EPHB1: variants seen among roughly 807,000 people sequenced by gnomAD.
EPHB1 encodes the protein EPH receptor B1.
Under a neutral mutation model 94.4 loss-of-function variants are expected in EPHB1, and 30 were observed. The observed-to-expected ratio is 0.32, with a 90% CI of 0.24 to 0.43. EPHB1 has a LOEUF of 0.43. Ranked by LOEUF, EPHB1 falls within the 20% of genes least tolerant of loss-of-function variation. The pLI, the probability that EPHB1 is intolerant of heterozygous loss-of-function variation, is 1.00. For synonymous variants in EPHB1, 522 were observed against 489.1 expected (o/e 1.07, Z -0.89); for missense variants, 1,055 against 1,308.3 (o/e 0.81, Z 2.99).
chr3:135,202,147 G>A (rs191913569), intron 12 of EPHB1, among the ~76,000 whole-genome samples: 13 of 152,156 alleles, frequency 8.5e-5, no homozygotes, highest in Admixed American at 7.2e-4. Flanking sequence ...TCTAAGTACC[G>A]TCAACACGAT....
chr3:135,103,891 C>A (rs1939113327), intron 3 of EPHB1, among the ~76,000 whole-genome samples: 1 of 152,344 alleles, frequency 6.6e-6, no homozygotes, highest in Middle Eastern at 3.4e-3. Context: ...CTACTGTCCT[C>A]CATCAGAAAC....
At chr3:135,109,972 G>A (rs769624630) in intron 4 of EPHB1, among the ~76,000 whole-genome samples, 9 of 152,208 alleles carry the variant, frequency 5.9e-5, no homozygotes, top group East Asian at 1.9e-4. Flanking sequence ...GAACACACTC[G>A]GAGGTGAACA....
intron 1 of EPHB1, among the ~76,000 whole-genome samples, chr3:134,862,177 C>G (rs934692482): frequency 6.6e-6 from 1 of 152,188 alleles, no homozygotes; most frequent in Non-Finnish European, 1.5e-5. Context: ...TCCTGAGTAT[C>G]TAGCGCTGGG....
chr3:134,867,794 A>T (rs1389799867), intron 1 of EPHB1, among the ~76,000 whole-genome samples: 1 of 152,150 alleles, frequency 6.6e-6, no homozygotes, highest in Non-Finnish European at 1.5e-5. Context: ...CAAGTTTGGA[A>T]TTGGAGAGTA....
chr3:135,233,230 A>C (rs977648864), intron 12 of EPHB1, among the ~76,000 whole-genome samples: 1 of 152,234 alleles, frequency 6.6e-6, no homozygotes, highest in Non-Finnish European at 1.5e-5. Context: ...TCAAAAGCAA[A>C]TTAGTTACTT....
At chr3:134,891,358 C>A (rs778044867) in intron 1 of EPHB1, among the ~76,000 whole-genome samples, 1 of 152,212 alleles carries the variant, frequency 6.6e-6, no homozygotes, top group Non-Finnish European at 1.5e-5. Flanking sequence ...GATCCACCTG[C>A]CTTGGCCTCC....
At chr3:135,146,334 T>C (rs906499348) in intron 5 of EPHB1, among the ~76,000 whole-genome samples, 2 of 152,286 alleles carry the variant, frequency 1.3e-5, no homozygotes, top group South Asian at 2.1e-4. Context: ...TTAGAAAGAT[T>C]AATATGGCTA....
intron 6 of EPHB1, among the ~76,000 whole-genome samples, chr3:135,157,672 G>A (rs191816698): frequency 3.0e-4 from 46 of 152,312 alleles, no homozygotes; most frequent in African/African-American, 9.9e-4. Context: ...ACTGTGGAAT[G>A]CTCCTTCACT....
chr3:135,251,614 A>ATAGAT (rs1268264313), intron 15 of EPHB1, among the ~76,000 whole-genome samples: 2 of 152,264 alleles, frequency 1.3e-5, no homozygotes, highest in Non-Finnish European at 2.9e-5. Flanking sequence ...ACTTAATAAA[A>ATAGAT]TAGATTGTGG....
intron 2 of EPHB1, among the ~76,000 whole-genome samples, chr3:134,931,835 G>A (rs968085299): frequency 6.6e-6 from 1 of 152,046 alleles, no homozygotes; most frequent in African/African-American, 2.4e-5. Context: ...ATATATGTGT[G>A]TCTATGTTTG....
At chr3:134,833,195 A>G (rs956212506) in intron 1 of EPHB1, among the ~76,000 whole-genome samples, 4 of 152,190 alleles carry the variant, frequency 2.6e-5, no homozygotes, top group Non-Finnish European at 4.4e-5. Context: ...CAGCGCCCCC[A>G]TAAGTGAGGA....
intron 1 of EPHB1, among the ~76,000 whole-genome samples, chr3:134,894,548 C>T (rs1245805763): frequency 6.6e-6 from 1 of 152,224 alleles, no homozygotes; most frequent in Admixed American, 6.5e-5. Flanking sequence ...CCTGTCTAAA[C>T]ACTGTTTATA....
intron 3 of EPHB1, among the ~76,000 whole-genome samples, chr3:135,008,926 G>C (rs562285334): frequency 1.3e-5 from 2 of 152,220 alleles, no homozygotes; most frequent in Non-Finnish European, 2.9e-5. Flanking sequence ...ATGTCTGGGT[G>C]TTAGAAAGAT....
At chr3:135,014,522 A>T (rs1434434502) in intron 3 of EPHB1, among the ~76,000 whole-genome samples, 1 of 152,242 alleles carries the variant, frequency 6.6e-6, no homozygotes, top group African/African-American at 2.4e-5. Context: ...TAGCAGGAAG[A>T]CCATACATAC....
intron 3 of EPHB1, among the ~76,000 whole-genome samples, chr3:134,975,551 A>G (rs1286698135): frequency 6.6e-6 from 1 of 152,086 alleles, no homozygotes; most frequent in Non-Finnish European, 1.5e-5. Context: ...CTCATGCAAC[A>G]CATACTGACC....
intron 1 of EPHB1, among the ~76,000 whole-genome samples, chr3:134,870,358 A>G (rs1389933687): frequency 6.6e-6 from 1 of 152,194 alleles, no homozygotes; most frequent in African/African-American, 2.4e-5. Context: ...CACTCTGAGT[A>G]TATTTAATCA....
At chr3:135,012,699 C>T (rs1341189221) in intron 3 of EPHB1, among the ~76,000 whole-genome samples, 2 of 152,166 alleles carry the variant, frequency 1.3e-5, no homozygotes, top group East Asian at 3.9e-4. Flanking sequence ...AGGTGCCTGG[C>T]TCTCTGTCCC....
intron 9 of EPHB1, among the ~76,000 whole-genome samples, chr3:135,169,438 G>A (rs935191437): frequency 2.0e-5 from 3 of 152,046 alleles, no homozygotes; most frequent in Non-Finnish European, 4.4e-5. Context: ...ATTCTCTTTT[G>A]ATCCAACCTT....
chr3:135,045,918 T>C (rs1304942115), intron 3 of EPHB1, among the ~76,000 whole-genome samples: 1 of 152,254 alleles, frequency 6.6e-6, no homozygotes, highest in Non-Finnish European at 1.5e-5. Context: ...TAGCAAAGAA[T>C]ATTCCCAATT....
Sources: allele counts gnomAD v4.1 joint callset (sites outside exome capture counted in the v4.1 genomes callset), GRCh38; gene constraint gnomAD v4.1.1; transcripts MANE v1.5; gene names NCBI Gene and HGNC (gene_info 2026-07-23, HGNC 2026-07-21).